Variants in ADNP observed in about 807,000 individuals in gnomAD.
ADNP encodes activity-dependent neuroprotector homeobox protein.
Under a neutral mutation model 84.9 loss-of-function variants are expected in ADNP, and 4 were observed. The observed-to-expected ratio is 0.05, with a 90% confidence interval of 0.02 to 0.11. The LOEUF (loss-of-function observed/expected upper bound fraction) is 0.11, where lower values mean the gene tolerates loss of function less well. ADNP is among the 10% of genes least tolerant of loss of function. ADNP has a pLI of 1.00. For missense variants in ADNP, 1,132 were observed against 1,326.0 expected (o/e 0.85, Z 2.27); for synonymous variants, 554 against 468.1 (o/e 1.18, Z -2.37).
chr20:50,922,596 T>TA (rs34074400), intron 2 of ADNP, among the ~76,000 whole-genome samples: 12,510 of 148,542 alleles, frequency 0.084, 617 homozygotes, highest in Middle Eastern at 0.13. Context: ...TTTTTTTTTT[T>TA]AAAGACAGAA....
chr20:50,930,665 G>A (rs1227684578), intron 1 of ADNP, among the ~76,000 whole-genome samples, 161 bp downstream of exon 1: 2 of 152,014 alleles, frequency 1.3e-5, no homozygotes, highest in Admixed American at 6.5e-5. Context: ...ACCCGTCGGC[G>A]CCGGGGTGTG....
chr20:50,897,911 CTTA>C (rs1474923987), intron 5 of ADNP, among the ~76,000 whole-genome samples: 3 of 152,304 alleles, frequency 2.0e-5, no homozygotes, highest in Admixed American at 2.0e-4. Flanking sequence ...CCCACGACTT[CTTA>C]TATCTCCTGC....
At chr20:50,900,188 A>G (rs1255141335) in intron 5 of ADNP, among the ~76,000 whole-genome samples, 1 of 152,138 alleles carries the variant, frequency 6.6e-6, no homozygotes, top group Non-Finnish European at 1.5e-5. Flanking sequence ...TACCTTTTCT[A>G]TGCTTCACTA....
At position 50,892,371 on chromosome 20, in the gene ADNP, G is replaced by A. The variant is rs143327143; in HGVS notation, c.2343C>T (p.Pro781=). The change falls in exon 6 of 6, where the codon CCC becomes CCT. Residue 781 remains proline (P), a synonymous_variant. Coordinates refer to ENST00000621696, the MANE Select transcript of ADNP (RefSeq NM_001282531.3). ...CTAGCTTCTCAATTTCTCTCCTGGT[G>A]GGATAGGGCTGTTTGTTGAAATACT... ...LTKYFNKQPY[P]TRREIEKLAA... The A allele has an allele frequency of 1.5e-5, 24 of 1,614,024 alleles. No individual in the cohort carries two copies. The African/African-American group carries it at 3.1e-4, about 21-fold the overall frequency.
In ADNP at chr20:50,893,712, G is replaced by A. The variant is rs781293958; in HGVS notation, c.1002C>T (p.Val334=). Reference sequence around the variant, plus strand: ...CACTGTAACCCTGGCCTACAGATTTGACTCCATAGTTGTTCTGCTGCAGAT... The same window carrying A: ...CACTGTAACCCTGGCCTACAGATTTAACTCCATAGTTGTTCTGCTGCAGAT... ...SVHLQQNNYG[V]KSVGQGYSVG... is the part of the protein sequence containing the mutation. Residue 334 remains valine, a synonymous_variant, in exon 6 of 6, where the codon GTC becomes GTT. Coordinates refer to ENST00000621696, the MANE Select transcript of ADNP (RefSeq NM_001282531.3). This position sits in a 1 kb window ranked among gnomAD's most constrained non-coding sequence, Gnocchi z 4.4. 5.6e-6 allele frequency: 9 copies of A among 1,614,044 alleles called. No individual in the cohort carries two copies. Among genetic ancestry groups the A allele is most frequent in the Admixed American group, 1.7e-5 (1 of 60,022 alleles).
At position 50,893,209 on chromosome 20, in the gene ADNP, G is replaced by A; in HGVS notation, c.1505C>T (p.Thr502Ile). Residue 502 changes from threonine to isoleucine, a missense_variant, in exon 6 of 6, where the codon ACT becomes ATT. Coordinates refer to ENST00000621696, the MANE Select transcript of ADNP (RefSeq NM_001282531.3). The surrounding 1 kb of genome is among the most constrained non-coding windows in gnomAD (Gnocchi z 4.4). ...LYCNRYLPTD[T>I]LLNHMLIHGL... ...ATGAATTAACATATGGTTGAGCAGA[G>A]TATCTGTGGGTAAATAGCGATTACA... 1 of 1,614,250 alleles carries A rather than the reference G, an allele frequency of 6.2e-7. No homozygotes were observed. Among genetic ancestry groups the A allele is most frequent in the Non-Finnish European group, 8.5e-7 (1 of 1,180,048 alleles).
Position 50,890,897 on chromosome 20 carries a change from A to G in ADNP, c.*508T>C. 1 of 981,176 alleles carries G rather than the reference A, an allele frequency of 1.0e-6. No homozygotes were observed. The highest frequency in any genetic ancestry group is 1.2e-6 in the Non-Finnish European group (1 of 825,892). The allele number at this position is 981,176 out of a possible 1,614,324, so 60.8% of individuals were successfully genotyped here. ...AAAAAAAGAAATCTATGATGGGCAC[A>G]CAGTAACAGGATCATGAGCATCACT... On this transcript the variant is annotated 3_prime_UTR_variant, in exon 6 of 6. Coordinates refer to ENST00000621696, the MANE Select transcript of ADNP (RefSeq NM_001282531.3).
chr20:50,929,985 G>A (rs1243172450), intron 1 of ADNP, among the ~76,000 whole-genome samples: 1 of 151,976 alleles, frequency 6.6e-6, no homozygotes, highest in African/African-American at 2.4e-5. Flanking sequence ...TCTTGGTCTT[G>A]GGCAGAAGAG....
chr20:50,903,404 A>C (rs534946854), intron 4 of ADNP, among the ~76,000 whole-genome samples: 1 of 152,322 alleles, frequency 6.6e-6, no homozygotes, highest in East Asian at 1.9e-4. Flanking sequence ...TCAAATCCTA[A>C]GGAAAGAGAC....
intron 1 of ADNP, among the ~76,000 whole-genome samples, chr20:50,930,477 A>AG (rs79347520): frequency 1 from 151,834 of 151,840 alleles, 75,914 homozygotes; most frequent in Middle Eastern, 1. Context: ...GATTAGTTCC[A>AG]GGATGGGAGA....
intron 2 of ADNP, among the ~76,000 whole-genome samples, chr20:50,910,928 A>G (rs1982965787): frequency 6.6e-6 from 1 of 152,194 alleles, no homozygotes; most frequent in Non-Finnish European, 1.5e-5. Context: ...TGTTGGGATT[A>G]CAGGTATGGG....
At chr20:50,908,147 G>GTTTTTTTT (rs142605027) in intron 2 of ADNP, among the ~76,000 whole-genome samples, 16 of 105,902 alleles carry the variant, frequency 1.5e-4, no homozygotes, top group East Asian at 2.9e-4. Flanking sequence ...AGATTTTTCT[G>GTTTTTTTT]TTTTTTTTTT....
chr20:50,908,685 A>C (rs2122879179), intron 2 of ADNP, among the ~76,000 whole-genome samples: 1 of 152,150 alleles, frequency 6.6e-6, no homozygotes, highest in South Asian at 2.1e-4. Flanking sequence ...GAGATAGGAG[A>C]ATGGTGTGAA....
chr20:50,906,966 TTTTTTTTTTG>T (rs1414386959), intron 2 of ADNP, among the ~76,000 whole-genome samples: 6 of 118,550 alleles, frequency 5.1e-5, no homozygotes, highest in Admixed American at 3.0e-4. Context: ...GGTTCCAGTT[TTTTTTTTTTG>T]TTTTTTTTTT....
chr20:50,929,631 G>A (rs1984523494), intron 1 of ADNP, among the ~76,000 whole-genome samples: 1 of 152,194 alleles, frequency 6.6e-6, no homozygotes, highest in South Asian at 2.1e-4. Context: ...GGTGCATTTT[G>A]GGTGGGGGCT....
chr20:50,931,159 G>C lies in ADNP; in HGVS notation c.-598C>G, dbSNP rs1410120435. 6.6e-6 allele frequency: 1 copy of C among 151,216 alleles called. No individual in the cohort carries two copies. Among genetic ancestry groups the C allele is most frequent in the African/African-American group, 2.4e-5 (1 of 40,966 alleles). 9.4% of individuals were successfully genotyped at this position (151,216 alleles called of 1,614,324 possible). On this transcript the variant is annotated 5_prime_UTR_variant, in exon 1 of 6. Coordinates refer to ENST00000621696, the MANE Select transcript of ADNP (RefSeq NM_001282531.3). ...CGCTCCTCTCGCTCCTCAGCAGCGG[G>C]GACCGAGAGAGGGAGCTGTGTCTGA...
chr20:50,925,918 T>G (rs558192738), intron 2 of ADNP, among the ~76,000 whole-genome samples: 1 of 152,228 alleles, frequency 6.6e-6, no homozygotes, highest in Non-Finnish European at 1.5e-5. Flanking sequence ...TTGGCCAACA[T>G]GGCGAAATCC....
At chr20:50,908,104 C>A in intron 2 of ADNP, among the ~76,000 whole-genome samples, 1 of 148,308 alleles carries the variant, frequency 6.7e-6, no homozygotes, top group South Asian at 2.2e-4. Context: ...AAGTAACAGT[C>A]ATATACACTG....
chr20:50,894,971 C>G (rs193030877), intron 5 of ADNP, among the ~76,000 whole-genome samples: 1 of 152,008 alleles, frequency 6.6e-6, no homozygotes, highest in Non-Finnish European at 1.5e-5. Context: ...AAAAAAAAAG[C>G]TATCTTAAAC....
Sources: gnomAD v4.1 joint callset for allele counts (sites outside exome capture counted in the v4.1 genomes callset) on GRCh38, gnomAD v4.1.1 for gene constraint, Gnocchi (gnomAD v3.1) non-coding constraint, MANE v1.5 for transcripts, NCBI Gene and HGNC (gene_info 2026-07-23, HGNC 2026-07-21) for gene names.